KAZN: variants seen among roughly 807,000 people sequenced by gnomAD.
KAZN encodes the protein kazrin.
In KAZN, 40 loss-of-function variants were observed where a neutral mutation model predicts 87.4. The ratio of observed to expected loss-of-function variants is 0.46; its 90% confidence interval spans 0.36 to 0.60. The LOEUF (loss-of-function observed/expected upper bound fraction) is 0.60. Among genes scored for constraint, KAZN ranks in the 20% least tolerant of loss-of-function variants. The pLI is 0.00. For synonymous variants in KAZN, 466 were observed against 458.3 expected, an observed-to-expected ratio of 1.02 and a Z score of -0.22; for missense variants, 898 against 1,073.9, an observed-to-expected ratio of 0.84 and a Z score of 2.29.
At chr1:13,991,384 A>G (rs1274304259) in intron 1 of KAZN, among the ~76,000 whole-genome samples, 3 of 152,140 alleles carry the variant, frequency 2.0e-5, no homozygotes, top group Non-Finnish European at 4.4e-5. Context: ...GCATGTATAT[A>G]CCTATGTAAC....
intron 2 of KAZN, among the ~76,000 whole-genome samples, chr1:15,032,569 G>A (rs1272596678): frequency 2.6e-5 from 4 of 152,002 alleles, no homozygotes; most frequent in Non-Finnish European, 1.5e-5. Flanking sequence ...TGTTTTCAAG[G>A]TTCATCCATG....
At chr1:14,421,778 C>T (rs1286164697) in intron 2 of KAZN, among the ~76,000 whole-genome samples, 1 of 152,132 alleles carries the variant, frequency 6.6e-6, no homozygotes, top group Non-Finnish European at 1.5e-5. Context: ...AAATTTCTCT[C>T]GGAGTTGGCC....
intron 1 of KAZN, among the ~76,000 whole-genome samples, chr1:14,632,298 A>T (rs1679627362): frequency 6.6e-6 from 1 of 152,230 alleles, no homozygotes; most frequent in Non-Finnish European, 1.5e-5. Flanking sequence ...TGTATGAAGC[A>T]TAACATCCCT....
rs1166410993 is a variant in KAZN at position 15,056,565 on chromosome 1, TAA to T, written c.916+288_916+289del. ...CAGGCTGTCTCTTTCAGCAAGAAAGTAAAATAGTCCCCTGCAGTTCCAGATGT... is the reference window on the plus strand; with the variant it reads ...CAGGCTGTCTCTTTCAGCAAGAAAGTAATAGTCCCCTGCAGTTCCAGATGT... On this transcript the variant is annotated intron_variant, in intron 5 of 14. Coordinates refer to ENST00000376030, the MANE Select transcript of KAZN (RefSeq NM_201628.3). This position sits in a 1 kb window ranked among gnomAD's most constrained non-coding sequence, Gnocchi z 5.4. 6.6e-6 allele frequency among the ~76,000 whole-genome samples: 1 copy of T among 152,100 alleles called. No homozygotes were observed. Among genetic ancestry groups the T allele is most frequent in the Non-Finnish European group, 1.5e-5 (1 of 68,026 alleles).
chr1:14,197,387 T>TAAAA (rs35290614), intron 2 of KAZN, among the ~76,000 whole-genome samples: 3 of 102,274 alleles, frequency 2.9e-5, no homozygotes, highest in African/African-American at 7.0e-5. Context: ...AAGTAAATGT[T>TAAAA]AAAAAAAAAA....
intron 1 of KAZN, among the ~76,000 whole-genome samples, chr1:14,091,256 C>T (rs1333159863): frequency 6.6e-6 from 1 of 152,154 alleles, no homozygotes; most frequent in Non-Finnish European, 1.5e-5. Context: ...TCAGTGAGAC[C>T]ACCAGGCTCT....
chr1:14,600,666 CAAA>C (rs59840012), intron 1 of KAZN, among the ~76,000 whole-genome samples: 92 of 118,484 alleles, frequency 7.8e-4, no homozygotes, highest in African/African-American at 2.8e-3. Flanking sequence ...GGAACCTGTG[CAAA>C]AAAAAAAAAA....
chr1:13,966,495 G>A (rs144613833), intron 1 of KAZN, among the ~76,000 whole-genome samples: 168 of 152,272 alleles, frequency 1.1e-3, no homozygotes, highest in African/African-American at 3.8e-3. Context: ...GACTCCATGG[G>A]ATGGACAGGG....
intron 1 of KAZN, among the ~76,000 whole-genome samples, chr1:13,972,276 CTT>C (rs546200121): frequency 9.9e-5 from 14 of 141,164 alleles, no homozygotes; most frequent in Non-Finnish European, 1.8e-4. Context: ...TTTTTCTTTT[CTT>C]TTTTTTTTTT....
At chr1:14,538,124 T>C (rs768371385) in intron 2 of KAZN, among the ~76,000 whole-genome samples, 4 of 152,162 alleles carry the variant, frequency 2.6e-5, no homozygotes, top group Non-Finnish European at 5.9e-5. Context: ...ACCCACTGCA[T>C]CAAAGATATG....
At chr1:14,664,070 AAAAGAC>A (rs993649228) in intron 1 of KAZN, among the ~76,000 whole-genome samples, 1 of 152,250 alleles carries the variant, frequency 6.6e-6, no homozygotes, top group African/African-American at 2.4e-5. Flanking sequence ...AAGCATCCCA[AAAAGAC>A]AAATATTATA....
At chr1:14,348,539 G>A (rs775927963) in intron 2 of KAZN, among the ~76,000 whole-genome samples, 34 of 152,318 alleles carry the variant, frequency 2.2e-4, no homozygotes, top group South Asian at 6.2e-4. Context: ...GGATTTGCAC[G>A]TTGGCATGCT....
At chr1:14,750,431 C>G (rs767561969) in intron 1 of KAZN, among the ~76,000 whole-genome samples, 31 of 152,102 alleles carry the variant, frequency 2.0e-4, no homozygotes, top group African/African-American at 6.8e-4. Context: ...TTACGTGCTC[C>G]CTATTCCAGG....
chr1:15,103,524 T>C (rs1641167810), intron 12 of KAZN, 64 bp downstream of exon 12: 1 of 973,628 alleles, frequency 1.0e-6, no homozygotes, highest in Non-Finnish European at 1.6e-6. Context: ...CAAATCTATA[T>C]GCAAATCAAT....
chr1:14,192,740 T>C (rs1646446632), intron 2 of KAZN, among the ~76,000 whole-genome samples: 1 of 152,176 alleles, frequency 6.6e-6, no homozygotes, highest in South Asian at 2.1e-4. Context: ...AGTTTGCAAA[T>C]GGATGCCCTA....
At chr1:14,950,094 G>A (rs1009862371) in intron 1 of KAZN, among the ~76,000 whole-genome samples, 6 of 152,114 alleles carry the variant, frequency 3.9e-5, no homozygotes, top group Non-Finnish European at 5.9e-5. Context: ...ACACCCACCC[G>A]TAGTAAGAAT....
At chr1:15,067,453 T>C in intron 8 of KAZN, 6 of 985,486 alleles carry the variant, frequency 6.1e-6, no homozygotes, top group Non-Finnish European at 7.2e-6. Context: ...TGTGAGCTGT[T>C]CAGCAAGGTC....
In KAZN at chr1:15,081,686, C is replaced by T. The variant is rs1207679563; in HGVS notation, c.1223-12494C>T. Among the ~76,000 whole-genome samples, 1 of 152,062 alleles carries T rather than the reference C, an allele frequency of 6.6e-6. No homozygotes were observed. Among genetic ancestry groups the T allele is most frequent in the Non-Finnish European group, 1.5e-5 (1 of 68,038 alleles). On this transcript the variant is annotated intron_variant, in intron 8 of 14. Coordinates refer to ENST00000376030, the MANE Select transcript of KAZN (RefSeq NM_201628.3). The surrounding 1 kb of genome is among the most constrained non-coding windows in gnomAD (Gnocchi z 4.1). ...GAGCCCTGAGCCTGTGTAAGCTTCA[C>T]CAGGCAGAGGAAAGTGACAGGCCGC... is the stretch of plus-strand genomic sequence containing the variant.
chr1:14,261,750 G>A (rs1015722769), intron 2 of KAZN, among the ~76,000 whole-genome samples: 4 of 152,168 alleles, frequency 2.6e-5, no homozygotes, highest in African/African-American at 9.7e-5. Context: ...AGAGTTTCCT[G>A]TGACACTCGA....
Sources: gnomAD v4.1 joint callset for allele counts (sites outside exome capture counted in the v4.1 genomes callset) on GRCh38, gnomAD v4.1.1 for gene constraint, Gnocchi (gnomAD v3.1) non-coding constraint, MANE v1.5 for transcripts, NCBI Gene and HGNC (gene_info 2026-07-23, HGNC 2026-07-21) for gene names.